Variants in ATP2C2 observed in about 807,000 individuals in gnomAD.
ATP2C2 encodes the protein calcium-transporting ATPase type 2C member 2.
Under a neutral mutation model 110.8 loss-of-function variants are expected in ATP2C2, and 171 were observed. The ratio of observed to expected loss-of-function variants is 1.54; its 90% confidence interval spans 1.36 to 1.75. The LOEUF is 1.75. ATP2C2 is among the 40% of genes most tolerant of loss of function. The pLI is 0.00. For missense variants in ATP2C2, 1,963 were observed against 1,235.0 expected, an observed-to-expected ratio of 1.59 and a Z score of -8.84; for synonymous variants, 804 against 508.4, an observed-to-expected ratio of 1.58 and a Z score of -7.82.
In ATP2C2 at chr16:84,442,572, G is replaced by C. The variant is rs773806372; in HGVS notation, c.1374G>C (p.Glu458Asp). Residue 458 changes from glutamate to aspartate, a missense_variant, in exon 15 of 27, where the codon GAG (glutamate) becomes GAC (aspartate). Glu to Asp is a conservative substitution (Grantham distance 45). Coordinates refer to ENST00000262429, the MANE Select transcript of ATP2C2 (RefSeq NM_014861.4). ...ACGCCGTGATGGGGCAGCCCACCGA[G>C]GGTGCATTGATGGCCCTGGCGATGA... Reference protein sequence around the residue: ...RKNAVMGQPTEGALMALAMKM... With the variant: ...RKNAVMGQPTDGALMALAMKM... The C allele has an allele frequency of 3.7e-5, 59 of 1,613,992 alleles. No homozygotes were observed. Among genetic ancestry groups the C allele is most frequent in the Non-Finnish European group, 4.7e-5 (55 of 1,179,988 alleles).
intron 6 of ATP2C2, among the ~76,000 whole-genome samples, chr16:84,412,459 TCC>T (rs776401312): frequency 1.3e-3 from 187 of 147,970 alleles, no homozygotes; most frequent in African/African-American, 4.1e-3. Flanking sequence ...TGTCTGTGTC[TCC>T]GTGTGTGTGT....
At chr16:84,453,043 T>C (rs1371739987) in intron 18 of ATP2C2, 95 bp from the exon 19 acceptor site, 2 of 1,298,742 alleles carry the variant, frequency 1.5e-6, no homozygotes, top group East Asian at 2.5e-5. Context: ...CAGCATGGTT[T>C]TATTCTTGGT....
intron 23 of ATP2C2, chr16:84,460,294 T>C: frequency 3.0e-6 from 1 of 336,020 alleles, no homozygotes; most frequent in South Asian, 2.8e-5. Flanking sequence ...TCTCAGCTGA[T>C]GAGGGGCTCT....
chr16:84,399,818 G>A (rs1366810182), intron 2 of ATP2C2, among the ~76,000 whole-genome samples: 1 of 152,094 alleles, frequency 6.6e-6, no homozygotes, highest in Admixed American at 6.6e-5. Context: ...AATTATTTTT[G>A]ACAACAGTCG....
At chr16:84,420,267 C>G (rs1228429848) in intron 7 of ATP2C2, among the ~76,000 whole-genome samples, 2 of 152,098 alleles carry the variant, frequency 1.3e-5, no homozygotes, top group Non-Finnish European at 2.9e-5. Flanking sequence ...AGAAATTGTA[C>G]CCCATTCACT....
At chr16:84,383,637 C>A (rs950292850) in intron 1 of ATP2C2, among the ~76,000 whole-genome samples, 1 of 152,228 alleles carries the variant, frequency 6.6e-6, no homozygotes, top group East Asian at 1.9e-4. Context: ...CTCTCAGCAT[C>A]GTCAGTACAT....
chr16:84,372,259 G>C (rs1331868571), intron 1 of ATP2C2, among the ~76,000 whole-genome samples: 1 of 152,194 alleles, frequency 6.6e-6, no homozygotes, highest in Non-Finnish European at 1.5e-5. Context: ...GGCACAGTCA[G>C]ATTTGTGTTT....
At chr16:84,448,957 C>T (rs1365437851) in intron 17 of ATP2C2, among the ~76,000 whole-genome samples, 1 of 152,222 alleles carries the variant, frequency 6.6e-6, no homozygotes, top group Non-Finnish European at 1.5e-5. Flanking sequence ...GAATGGGCTG[C>T]ACCCCAAACA....
rs1278392626 is a variant in ATP2C2, at chr16:84,460,316, A to C, written c.2334-338A>C. On this transcript the variant is annotated intron_variant, in intron 23 of 26. Transcript: ENST00000262429. ...TGATGAGGGGCTCTGCGGAGGGCGG[A>C]GCCTGGAGCCTGTTTCTCCAGGCGC... The C allele has an allele frequency of 5.1e-5, 19 of 373,440 alleles. No individual in the cohort carries two copies. The Admixed American group carries it at 7.6e-4, about 15-fold the overall frequency. The allele number at this position is 373,440 out of a possible 1,614,324, so 23.1% of individuals were successfully genotyped here. A position where few individuals can be genotyped will look rare whatever the true frequency, so the allele number is the denominator to read the frequency against.
At chr16:84,395,668 C>G (rs1904928846) in intron 1 of ATP2C2, among the ~76,000 whole-genome samples, 1 of 151,852 alleles carries the variant, frequency 6.6e-6, no homozygotes, top group Admixed American at 6.6e-5. Context: ...TGCCACCATG[C>G]CTGGCTAATT....
At position 84,448,631 on chromosome 16, in the gene ATP2C2, C is replaced by G. The variant is rs1286366424; in HGVS notation, c.1602C>G (p.Pro534=). Residue 534 remains proline, a synonymous_variant, in exon 17 of 27, where the codon CCC becomes CCG. Transcript: ENST00000262429. The part of the protein sequence containing the change: ...NNGGIPLPLT[P]QQRSFCLQEE... ...GGGGCATCCCCCTGCCGCTGACGCC[C>G]CAGCAGAGGTCATTCTGCCTGCAGG... 12 of 1,613,990 alleles carry G rather than the reference C, an allele frequency of 7.4e-6. No homozygotes were observed. The highest frequency in any genetic ancestry group is 9.3e-6 in the Non-Finnish European group (11 of 1,179,938).
chr16:84,416,702 G>A (rs1250025301), intron 7 of ATP2C2, among the ~76,000 whole-genome samples: 1 of 152,166 alleles, frequency 6.6e-6, no homozygotes, highest in African/African-American at 2.4e-5. Flanking sequence ...GGGAGGGTTC[G>A]CCCTCGGGCT....
intron 1 of ATP2C2, among the ~76,000 whole-genome samples, chr16:84,372,032 TG>T (rs974582008): frequency 6.6e-6 from 1 of 152,056 alleles, no homozygotes; most frequent in African/African-American, 2.4e-5. Flanking sequence ...AAGGGTGAGC[TG>T]GATGAAGGGC....
chr16:84,435,768 G>A (rs959095678), intron 11 of ATP2C2, among the ~76,000 whole-genome samples: 2 of 152,074 alleles, frequency 1.3e-5, no homozygotes, highest in Non-Finnish European at 2.9e-5. Flanking sequence ...TCAAGGCTGC[G>A]GTGAGCCTTG....
At position 84,454,879 on chromosome 16, in the gene ATP2C2, C is replaced by T. The variant is rs1359488602; in HGVS notation, c.2042C>T (p.Ala681Val). The T allele has an allele frequency of 1.2e-6, 2 of 1,613,822 alleles. No homozygotes were observed. The highest frequency in any genetic ancestry group is 2.7e-5 in the African/African-American group (2 of 74,906). Residue 681 changes from alanine to valine, a missense_variant, in exon 21 of 27, where the codon GCC (alanine) becomes GTC (valine). Coordinates refer to ENST00000262429, the MANE Select transcript of ATP2C2 (RefSeq NM_014861.4). ...GGGGATGGGGTGAACGACGCAGTGGCCCTGAAGTCTGCAGACATTGGGATC... is the reference window on the plus strand; with the variant it reads ...GGGGATGGGGTGAACGACGCAGTGGTCCTGAAGTCTGCAGACATTGGGATC... ...MTGDGVNDAV[A>V]LKSADIGIAM...
rs771691113 is a variant in ATP2C2 at position 84,451,945 on chromosome 16, A to T, written c.1685A>T (p.Glu562Val). 2 of 1,613,458 alleles carry T rather than the reference A, an allele frequency of 1.2e-6. No individual in the cohort carries two copies. Among genetic ancestry groups the T allele is most frequent in the Non-Finnish European group, 1.7e-6 (2 of 1,179,878 alleles). ...LRVLALASGP[E>V]LGRLTFLGLV... The stretch of plus-strand genomic sequence containing the variant: ...GTGCTGGCCCTGGCTTCTGGGCCCG[A>T]GCTGGGGCGGCTGACGTTTCTCGGT... The change falls in exon 18 of 27, where the codon GAG becomes GTG. Residue 562 changes from glutamate to valine, a missense_variant. Physicochemically the swap from Glu to Val is moderately radical, Grantham distance 121. Transcript: ENST00000262429.
At chr16:84,418,418 C>G (rs1423408910) in intron 7 of ATP2C2, among the ~76,000 whole-genome samples, 1 of 152,208 alleles carries the variant, frequency 6.6e-6, no homozygotes, top group African/African-American at 2.4e-5. Context: ...ACCACCTTCA[C>G]TCCTTCTTGG....
intron 23 of ATP2C2, chr16:84,459,703 C>T (rs976268781): frequency 7.3e-6 from 7 of 964,346 alleles, no homozygotes; most frequent in African/African-American, 3.3e-5. Flanking sequence ...AGGAAGTCTT[C>T]CCTGATTGCA....
At chr16:84,414,630 G>A (rs574489165) in intron 6 of ATP2C2, among the ~76,000 whole-genome samples, 155 of 152,330 alleles carry the variant, frequency 1.0e-3, no homozygotes, top group African/African-American at 3.6e-3. Flanking sequence ...CCCAGAGCAC[G>A]TGGCTGTGGG....
Sources: allele counts gnomAD v4.1 joint callset (sites outside exome capture counted in the v4.1 genomes callset), GRCh38; gene constraint gnomAD v4.1.1; transcripts MANE v1.5; gene names NCBI Gene and HGNC (gene_info 2026-07-23, HGNC 2026-07-21).